The following KCNU1 variants were observed in gnomAD, a reference collection of about 807,000 sequenced individuals.
KCNU1 encodes the protein potassium calcium-activated channel subfamily U member 1.
Under a neutral mutation model 126.8 loss-of-function variants are expected in KCNU1, and 93 were observed. The observed-to-expected ratio is 0.73, with a 90% CI of 0.62 to 0.87. The LOEUF (loss-of-function observed/expected upper bound fraction) is 0.87, where lower values mean the gene tolerates loss of function less well. Ranked by LOEUF, KCNU1 falls within the 40% of genes least tolerant of loss-of-function variation. The pLI is 0.00. For missense variants in KCNU1, 1,330 were observed against 1,367.1 expected, an observed-to-expected ratio of 0.97 and a Z score of 0.43; for synonymous variants, 523 against 494.2, an observed-to-expected ratio of 1.06 and a Z score of -0.77.
At position 36,787,944 on chromosome 8, in the gene KCNU1, G is replaced by C. The variant is rs954669413; in HGVS notation, c.315+519G>C. On this transcript the variant is annotated intron_variant, in intron 2 of 26. Coordinates refer to ENST00000399881, the MANE Select transcript of KCNU1 (RefSeq NM_001031836.3). ...TTTCAGTCTTTCCACTAGGAAGAAA[G>C]CTTTGTTAGGGCAATATTTGTGAGC... Among the ~76,000 whole-genome samples, 3 of 150,696 alleles carry C rather than the reference G, an allele frequency of 2.0e-5. No individual in the cohort carries two copies. The South Asian group carries it at 6.2e-4, about 31-fold the overall frequency.
intron 19 of KCNU1, among the ~76,000 whole-genome samples, chr8:36,885,963 A>G (rs927962950): frequency 3.9e-5 from 6 of 152,216 alleles, no homozygotes; most frequent in Admixed American, 6.5e-5. Flanking sequence ...TGGGGAGTTA[A>G]GATCCATGCT....
intron 25 of KCNU1, 94 bp downstream of exon 25, chr8:36,931,239 A>G (rs754555174): frequency 4.3e-6 from 3 of 689,774 alleles, no homozygotes; most frequent in Non-Finnish European, 7.3e-6. Context: ...TAGATGTCCC[A>G]TAGCACAGAA....
At chr8:36,834,536 A>C (rs565065181) in intron 11 of KCNU1, among the ~76,000 whole-genome samples, 1 of 152,320 alleles carries the variant, frequency 6.6e-6, no homozygotes, top group African/African-American at 2.4e-5. Context: ...TATTTTACCC[A>C]TTTGAAAGCA....
intron 18 of KCNU1, among the ~76,000 whole-genome samples, chr8:36,855,058 T>C (rs187801783): frequency 6.6e-6 from 1 of 152,248 alleles, no homozygotes; most frequent in East Asian, 1.9e-4. Context: ...AGTTGACAAC[T>C]GTGTTTAGCC....
intron 16 of KCNU1, among the ~76,000 whole-genome samples, chr8:36,842,419 G>A (rs1301160896): frequency 1.3e-5 from 2 of 152,146 alleles, no homozygotes; most frequent in Non-Finnish European, 2.9e-5. Context: ...ATAACAAGTA[G>A]TATTGTCTGG....
At chr8:36,831,899 C>T (rs542780481) in intron 10 of KCNU1, among the ~76,000 whole-genome samples, 114 of 152,150 alleles carry the variant, frequency 7.5e-4, no homozygotes, top group Non-Finnish European at 1.1e-3. Flanking sequence ...TTAGGTCTAA[C>T]GTTTAAGTCT....
intron 21 of KCNU1, 51 bp from the exon 22 acceptor site, chr8:36,910,879 A>G (rs1486377524): frequency 5.3e-6 from 7 of 1,328,314 alleles, no homozygotes; most frequent in Non-Finnish European, 7.4e-6. Flanking sequence ...GAGCCATGAT[A>G]TAACATCCCT....
At position 36,935,924 on chromosome 8, in the gene KCNU1, T is replaced by G; in HGVS notation, c.*4T>G. On this transcript the variant is annotated 3_prime_UTR_variant, in exon 27 of 27. Coordinates refer to ENST00000399881, the MANE Select transcript of KCNU1 (RefSeq NM_001031836.3). ...TGCATATTCAGAGCCACTATAGACC[T>G]GCCCATATTCTTCACGTGCTCTTAA... The G allele has an allele frequency of 1.3e-6, 2 of 1,555,642 alleles. No homozygotes were observed. Among genetic ancestry groups the G allele is most frequent in the Non-Finnish European group, 1.7e-6 (2 of 1,152,878 alleles).
rs370788842 is a variant in KCNU1, at chr8:36,791,608, C to T, written c.315+4183C>T. Among the ~76,000 whole-genome samples the T allele has an allele frequency of 2.6e-5, 4 of 152,172 alleles. No homozygotes were observed. In the East Asian group the frequency reaches 7.7e-4, roughly 29 times the overall value. ...CCCTAGCAACAACAACAGTTTTCAACCTTAGTATACAGAAGAACTAAGTGC... is the reference window on the plus strand; with the variant it reads ...CCCTAGCAACAACAACAGTTTTCAATCTTAGTATACAGAAGAACTAAGTGC... On this transcript the variant is annotated intron_variant, in intron 2 of 26. Coordinates refer to ENST00000399881, the MANE Select transcript of KCNU1 (RefSeq NM_001031836.3).
At chr8:36,800,380 A>C (rs960115517) in intron 2 of KCNU1, among the ~76,000 whole-genome samples, 1 of 152,152 alleles carries the variant, frequency 6.6e-6, no homozygotes, top group Non-Finnish European at 1.5e-5. Context: ...TTTTCTCATA[A>C]AGATAAGCTT....
In KCNU1 at chr8:36,909,510, A is replaced by C. The variant is rs1165542087; in HGVS notation, c.2306A>C (p.Asn769Thr). 2 of 1,606,638 alleles carry C rather than the reference A, an allele frequency of 1.2e-6. No homozygotes were observed. Among genetic ancestry groups the C allele is most frequent in the Non-Finnish European group, 1.7e-6 (2 of 1,173,268 alleles). ...YLQREWRFLW[N>T]FPQIYILPGC... ...CAGAGAGAATGGCGATTTCTCTGGA[A>C]TTTTCCCCAGATATACATTCTGCCT... Residue 769 changes from asparagine to threonine, a missense_variant, in exon 21 of 27, where the codon AAT becomes ACT. By Grantham distance (65) the Asn-to-Thr change is moderately conservative. Transcript: ENST00000399881.
At chr8:36,919,240 A>T (rs1049732482) in intron 23 of KCNU1, among the ~76,000 whole-genome samples, 3 of 152,070 alleles carry the variant, frequency 2.0e-5, no homozygotes, top group Non-Finnish European at 4.4e-5. Flanking sequence ...AACCCATCAC[A>T]GGACTTCGGG....
chr8:36,848,035 C>T (rs1256130833), intron 18 of KCNU1, among the ~76,000 whole-genome samples: 2 of 152,120 alleles, frequency 1.3e-5, no homozygotes, highest in Non-Finnish European at 2.9e-5. Context: ...AATGATAGCT[C>T]ATTGTAGTTT....
intron 1 of KCNU1, 50 bp from the exon 2 acceptor site, chr8:36,787,256 C>A: frequency 2.6e-6 from 4 of 1,517,572 alleles, no homozygotes; most frequent in Non-Finnish European, 1.8e-6. Flanking sequence ...GAACAGATTT[C>A]TTTCTCTCAG....
intron 19 of KCNU1, among the ~76,000 whole-genome samples, chr8:36,869,013 C>A (rs1380586332): frequency 1.3e-5 from 2 of 152,078 alleles, no homozygotes; most frequent in Non-Finnish European, 2.9e-5. Context: ...ACCTATTACA[C>A]AATTATTTAC....
At chr8:36,855,091 C>T (rs1011331676) in intron 18 of KCNU1, among the ~76,000 whole-genome samples, 3 of 152,060 alleles carry the variant, frequency 2.0e-5, no homozygotes, top group Admixed American at 2.0e-4. Flanking sequence ...TTGTATGAAA[C>T]CTCAAGGTCA....
rs1805420966 is a variant in KCNU1, at chr8:36,853,367, T to C, written c.1891+7468T>C. On this transcript the variant is annotated intron_variant, in intron 18 of 26. Coordinates refer to ENST00000399881, the MANE Select transcript of KCNU1 (RefSeq NM_001031836.3). ...TTCTCTCAAAAAATAAATAAATAAATAAGTAGGCATTTATATCTAAAAATT... is the reference window on the plus strand; with the variant it reads ...TTCTCTCAAAAAATAAATAAATAAACAAGTAGGCATTTATATCTAAAAATT... 3.3e-5 allele frequency among the ~76,000 whole-genome samples: 5 copies of C among 152,230 alleles called. No homozygotes were observed. In the South Asian group the frequency reaches 1.0e-3, roughly 32 times the overall value.
chr8:36,872,799 G>A (rs562948041), intron 19 of KCNU1, among the ~76,000 whole-genome samples: 1 of 152,310 alleles, frequency 6.6e-6, no homozygotes, highest in South Asian at 2.1e-4. Context: ...GTAAGACAGA[G>A]GACTTAGAGA....
At chr8:36,904,560 A>G (rs1807547821) in intron 19 of KCNU1, among the ~76,000 whole-genome samples, 4 of 152,204 alleles carry the variant, frequency 2.6e-5, no homozygotes, top group African/African-American at 9.6e-5. Context: ...TGGCAGAGAC[A>G]GAAATGCTCA....
Sources: allele counts gnomAD v4.1 joint callset (sites outside exome capture counted in the v4.1 genomes callset), GRCh38; gene constraint gnomAD v4.1.1; transcripts MANE v1.5; gene names NCBI Gene and HGNC (gene_info 2026-07-23, HGNC 2026-07-21).